Variants in SHMT1 observed in about 807,000 individuals in gnomAD.
SHMT1 encodes serine hydroxymethyltransferase, cytosolic.
A neutral mutation model predicts 49.0 loss-of-function variants in SHMT1; 45 were observed. The ratio of observed to expected loss-of-function variants is 0.92; its 90% CI spans 0.72 to 1.18. The LOEUF (loss-of-function observed/expected upper bound fraction) is 1.18. SHMT1 is among the 50% of genes most tolerant of loss of function. The pLI, the probability that SHMT1 is intolerant of heterozygous loss-of-function variation, is 0.00. For missense variants in SHMT1, 541 were observed against 612.4 expected (o/e 0.88, Z 1.23); for synonymous variants, 232 against 246.6 (o/e 0.94, Z 0.55).
chr17:18,335,432 G>C (rs1463058885), intron 8 of SHMT1, 127 bp downstream of exon 8: 1 of 728,506 alleles, frequency 1.4e-6, no homozygotes, highest in Non-Finnish European at 2.5e-6. Flanking sequence ...CTCTGTGTTA[G>C]CATCTCCTGC....
Position 18,340,051 on chromosome 17 carries a change from TAGA to T in SHMT1, c.803_805del (p.Phe268del). On this transcript the variant is annotated inframe_deletion, in exon 7 of 12. Coordinates refer to ENST00000316694, the MANE Select transcript of SHMT1 (RefSeq NM_004169.5). The surrounding 1 kb of genome is among the most constrained non-coding windows in gnomAD (Gnocchi z 4.5). The stretch of plus-strand genomic sequence containing the variant: ...AACATTCGGGAGCTCACCTTTCCTG[TAGA>T]AGATCATGCCAGCTCGGCAGCCTCG... 1 of 1,613,542 alleles carries T rather than the reference TAGA, an allele frequency of 6.2e-7. No homozygotes were observed. The highest frequency in any genetic ancestry group is 8.5e-7 in the Non-Finnish European group (1 of 1,180,012).
rs781107214 is a variant in SHMT1 at position 18,340,658 on chromosome 17, C to T, written c.601+74G>A. ...AGCAGTGGGCTCAACAGGGTGCGAA[C>T]ATCTTTCCATCCTCATTCTGTAAGA... is the stretch of plus-strand genomic sequence containing the variant. On this transcript the variant is annotated intron_variant, in intron 6 of 11. Coordinates refer to ENST00000316694, the MANE Select transcript of SHMT1 (RefSeq NM_004169.5). The surrounding 1 kb of genome is among the most constrained non-coding windows in gnomAD (Gnocchi z 4.5). 56 of 1,361,298 alleles carry T rather than the reference C, an allele frequency of 4.1e-5. No individual in the cohort carries two copies. Among genetic ancestry groups the T allele is most frequent in the Non-Finnish European group, 5.8e-5 (56 of 970,702 alleles). The allele number at this position is 1,361,298 out of a possible 1,614,324, so 84.3% of individuals were successfully genotyped here.
At chr17:18,358,972 T>G (rs536792535) in intron 1 of SHMT1, among the ~76,000 whole-genome samples, 9 of 152,084 alleles carry the variant, frequency 5.9e-5, no homozygotes, top group Non-Finnish European at 1.3e-4. Context: ...AATTACAGGT[T>G]GGGCTGGGCC....
intron 3 of SHMT1, among the ~76,000 whole-genome samples, chr17:18,348,841 T>C (rs1985382380): frequency 6.6e-6 from 1 of 151,516 alleles, no homozygotes; most frequent in African/African-American, 2.4e-5. Context: ...AGCCAGGTGT[T>C]GTGGTGTGTG....
In SHMT1 at chr17:18,335,685, G is replaced by T. The variant is rs773905170; in HGVS notation, c.815-10C>A. 7.0e-6 allele frequency: 11 copies of T among 1,580,578 alleles called. No homozygotes were observed. Among genetic ancestry groups the T allele is most frequent in the Non-Finnish European group, 7.8e-6 (9 of 1,149,496 alleles). Reference sequence around the variant, plus strand: ...TCCACACTTTTCACTCCTGGAGGAAGAAAAACATCACAGTGGGATCATAGG... The same window carrying T: ...TCCACACTTTTCACTCCTGGAGGAATAAAAACATCACAGTGGGATCATAGG... On this transcript the variant is annotated splice_polypyrimidine_tract_variant and intron_variant, in intron 7 of 11. Transcript: ENST00000316694.
chr17:18,357,279 CAAAAAAAAAAAA>C (rs10560620), intron 1 of SHMT1, among the ~76,000 whole-genome samples: 2 of 89,512 alleles, frequency 2.2e-5, no homozygotes, highest in African/African-American at 9.8e-5. Flanking sequence ...GACTCCACCT[CAAAAAAAAAAAA>C]AAAAAAAAAA....
intron 5 of SHMT1, among the ~76,000 whole-genome samples, chr17:18,343,674 C>G (rs897737617): frequency 6.9e-6 from 1 of 145,210 alleles, no homozygotes; most frequent in African/African-American, 2.6e-5. Context: ...AATACCAGCA[C>G]TTTGGGAGGC....
At chr17:18,334,853 A>G (rs935865478) in intron 8 of SHMT1, among the ~76,000 whole-genome samples, 2 of 152,296 alleles carry the variant, frequency 1.3e-5, no homozygotes, top group East Asian at 3.9e-4. Flanking sequence ...ATGGGAGAAC[A>G]TGAGAACACA....
chr17:18,348,510 A>C lies in SHMT1; in HGVS notation c.243-70T>G, dbSNP rs1451844279. On this transcript the variant is annotated intron_variant, in intron 3 of 11. Transcript: ENST00000316694. ...AGTCTGTGCTTCACAGAGGCCAAAGAAGCTTAGGGGTGGGACAGTGAAACT... is the reference window on the plus strand; with the variant it reads ...AGTCTGTGCTTCACAGAGGCCAAAGCAGCTTAGGGGTGGGACAGTGAAACT... The C allele has an allele frequency of 8.1e-6, 9 of 1,114,874 alleles. No individual in the cohort carries two copies. In the African/African-American group the frequency reaches 9.2e-5, roughly 11 times the overall value. 69.1% of individuals were successfully genotyped at this position (1,114,874 alleles called of 1,614,324 possible). A position where few individuals can be genotyped will look rare whatever the true frequency, so the allele number is the denominator to read the frequency against.
At chr17:18,344,461 G>C (rs1219477795) in intron 5 of SHMT1, among the ~76,000 whole-genome samples, 1 of 150,472 alleles carries the variant, frequency 6.6e-6, no homozygotes, top group Non-Finnish European at 1.5e-5. Context: ...GAGTCCAGGA[G>C]TTTGAGACCC....
At position 18,340,812 on chromosome 17, in the gene SHMT1, A is replaced by G. The variant is rs1006166740; in HGVS notation, c.521T>C (p.Val174Ala). Reference protein sequence around the residue: ...SIFFESMPYKVNPDTGYINYD... With the variant: ...SIFFESMPYKANPDTGYINYD... Reference sequence around the variant, plus strand: ...GTTGATGTAGCCAGTATCTGGGTTCACCTGTGGAATGTCAGGGAGGCAGGT... The same window carrying G: ...GTTGATGTAGCCAGTATCTGGGTTCGCCTGTGGAATGTCAGGGAGGCAGGT... The change falls in exon 6 of 12, where the codon GTG (valine) becomes GCG (alanine). Residue 174 changes from valine (V) to alanine (A), a missense_variant and splice_region_variant. Coordinates refer to ENST00000316694, the MANE Select transcript of SHMT1 (RefSeq NM_004169.5). The surrounding 1 kb of genome is among the most constrained non-coding windows in gnomAD (Gnocchi z 4.5). The G allele has an allele frequency of 2.5e-6, 4 of 1,612,660 alleles. No individual in the cohort carries two copies. In the African/African-American group the frequency reaches 5.3e-5, roughly 22 times the overall value.
chr17:18,349,417 C>T (rs879484704), intron 3 of SHMT1, among the ~76,000 whole-genome samples: 10 of 151,626 alleles, frequency 6.6e-5, no homozygotes, highest in Non-Finnish European at 1.2e-4. Flanking sequence ...AAGACTCAGT[C>T]TCAAAAAAAA....
intron 9 of SHMT1, chr17:18,332,954 C>T (rs998854906): frequency 2.6e-5 from 17 of 655,076 alleles, no homozygotes; most frequent in Middle Eastern, 4.8e-4. Flanking sequence ...ACCACTATTC[C>T]CATCATCTGT....
chr17:18,350,099 C>T (rs929007378), intron 3 of SHMT1, among the ~76,000 whole-genome samples: 4 of 151,828 alleles, frequency 2.6e-5, no homozygotes, highest in South Asian at 2.1e-4. Flanking sequence ...GAGGCCGAGG[C>T]GGGCGGATCA....
chr17:18,344,098 C>T (rs180874139), intron 5 of SHMT1, among the ~76,000 whole-genome samples: 88 of 152,124 alleles, frequency 5.8e-4, no homozygotes, highest in Non-Finnish European at 1.0e-3. Context: ...CTTGGTGTCC[C>T]CCTCAGAAAC....
Position 18,328,822 on chromosome 17 carries a change from G to A in SHMT1, c.1380C>T (p.Ala460=), listed in dbSNP as rs116100382. ...ERLAGDKYQA[A]VQALREEVES... Reference sequence around the variant, plus strand: ...CAACCTCCTCCCGGAGAGCCTGCACGGCCGCCTGGTACTTATCCCCTGCCA... The same window carrying A: ...CAACCTCCTCCCGGAGAGCCTGCACAGCCGCCTGGTACTTATCCCCTGCCA... Residue 460 remains alanine, a synonymous_variant, in exon 12 of 12, where the codon GCC becomes GCT. Transcript: ENST00000316694. 2.8e-3 allele frequency: 4,594 copies of A among 1,612,892 alleles called. 113 individuals carry two copies. The African/African-American group carries it at 0.054, about 19-fold the overall frequency.
chr17:18,355,050 C>CAAAA (rs768492183), intron 2 of SHMT1, among the ~76,000 whole-genome samples: 4 of 24,464 alleles, frequency 1.6e-4, no homozygotes, highest in African/African-American at 6.8e-4. Flanking sequence ...GACTATATCT[C>CAAAA]AAAAAAAAAA....
rs1986194627 is a variant in SHMT1 at position 18,355,930 on chromosome 17, G to A, written c.52C>T (p.His18Tyr). 6.2e-7 allele frequency: 1 copy of A among 1,613,968 alleles called. No individual in the cohort carries two copies. The highest frequency in any genetic ancestry group is 1.3e-5 in the African/African-American group (1 of 74,936). ...AHKDADLWSS[H>Y]DKMLAQPLKD... Reference sequence around the variant, plus strand: ...AGGGGTTGTGCCAGCATCTTGTCATGTGAGGACCACAGGTCAGCATCCTTG... The same window carrying A: ...AGGGGTTGTGCCAGCATCTTGTCATATGAGGACCACAGGTCAGCATCCTTG... The change falls in exon 2 of 12, where the codon CAT becomes TAT. Residue 18 changes from histidine (H) to tyrosine (Y), a missense_variant. Transcript: ENST00000316694.
chr17:18,345,036 A>G (rs1038462515), intron 5 of SHMT1, among the ~76,000 whole-genome samples: 1 of 152,070 alleles, frequency 6.6e-6, no homozygotes, highest in African/African-American at 2.4e-5. Context: ...ATGAATGCCA[A>G]TAAGGTCTGT....
Sources: allele counts gnomAD v4.1 joint callset (sites outside exome capture counted in the v4.1 genomes callset), GRCh38; gene constraint gnomAD v4.1.1; non-coding constraint Gnocchi (gnomAD v3.1); transcripts MANE v1.5; gene names NCBI Gene and HGNC (gene_info 2026-07-23, HGNC 2026-07-21).